The following TMPRSS11D variants were observed in gnomAD, a reference collection of about 807,000 sequenced individuals.
TMPRSS11D encodes transmembrane protease serine 11D.
TMPRSS11D carries 32 observed loss-of-function variants against 44.4 expected under a neutral mutation model. The observed-to-expected ratio is 0.72, with a 90% CI of 0.54 to 0.97. The LOEUF (loss-of-function observed/expected upper bound fraction) is 0.97. TMPRSS11D is among the 50% of genes least tolerant of loss of function. TMPRSS11D has a pLI of 0.00. For missense variants in TMPRSS11D, 446 were observed against 502.6 expected (o/e 0.89, Z 1.08); for synonymous variants, 179 against 177.9 (o/e 1.01, Z -0.05).
chr4:67,842,429 CTAAAA>C (rs1213027654), intron 4 of TMPRSS11D, 124 bp downstream of exon 4: 1 of 875,522 alleles, frequency 1.1e-6, no homozygotes, highest in Non-Finnish European at 1.8e-6. Context: ...TTTAAGCTGA[CTAAAA>C]TACTATTTTC....
At chr4:67,859,471 C>A in intron 2 of TMPRSS11D, 86 bp downstream of exon 2, 2 of 1,431,508 alleles carry the variant, frequency 1.4e-6, no homozygotes, top group Non-Finnish European at 1.9e-6. Flanking sequence ...AAATAAAAGC[C>A]ATAGTAAAAG....
chr4:67,842,739 T>G (rs1718262489), intron 3 of TMPRSS11D, 114 bp from the exon 4 acceptor site: 2 of 952,448 alleles, frequency 2.1e-6, no homozygotes, highest in Admixed American at 2.6e-5. Flanking sequence ...AATTTTCACT[T>G]TAGTTCAACC....
intron 1 of TMPRSS11D, among the ~76,000 whole-genome samples, 165 bp from the exon 2 acceptor site, chr4:67,859,843 G>C (rs758597725): frequency 2.0e-5 from 3 of 152,062 alleles, no homozygotes; most frequent in African/African-American, 7.2e-5. Context: ...AAGGCTGTCC[G>C]TAGTGGTTTT....
intron 9 of TMPRSS11D, among the ~76,000 whole-genome samples, chr4:67,822,857 T>C (rs1203176039): frequency 6.6e-6 from 1 of 152,214 alleles, no homozygotes; most frequent in African/African-American, 2.4e-5. Flanking sequence ...TTCTTCATTG[T>C]GTCTTTATAT....
intron 3 of TMPRSS11D, among the ~76,000 whole-genome samples, chr4:67,847,237 A>C (rs112750867): frequency 3.3e-5 from 5 of 152,244 alleles, no homozygotes; most frequent in African/African-American, 1.2e-4. Flanking sequence ...TACACCTTGA[A>C]GGAAAATGTT....
At chr4:67,841,369 GA>G (rs902726509) in intron 4 of TMPRSS11D, among the ~76,000 whole-genome samples, 10 of 152,150 alleles carry the variant, frequency 6.6e-5, no homozygotes, top group Non-Finnish European at 8.8e-5. Context: ...GAGGTAAGGG[GA>G]AAATCAGGGT....
chr4:67,859,804 A>G lies in TMPRSS11D; in HGVS notation c.9-126T>C, dbSNP rs551699098. 14 of 1,264,004 alleles carry G rather than the reference A, an allele frequency of 1.1e-5. No homozygotes were observed. The South Asian group carries it at 2.3e-4, about 21-fold the overall frequency. The allele number at this position is 1,264,004 out of a possible 1,614,324, so 78.3% of individuals were successfully genotyped here. ...GGGACATGGCTCTAGCCATAGAAAC[A>G]TATTCGTAGATATGAAACTGAACTT... On this transcript the variant is annotated intron_variant, in intron 1 of 9. Coordinates refer to ENST00000283916, the MANE Select transcript of TMPRSS11D (RefSeq NM_004262.3).
Position 67,872,385 on chromosome 4 carries a change from G to A in TMPRSS11D, c.8+11541C>T, listed in dbSNP as rs538961378. Among the ~76,000 whole-genome samples the A allele has an allele frequency of 2.6e-4, 40 of 151,362 alleles. 1 individual carries two copies. Among genetic ancestry groups the A allele is most frequent in the Middle Eastern group, 6.8e-3 (2 of 294 alleles). On this transcript the variant is annotated intron_variant, in intron 1 of 9. Transcript: ENST00000283916. The stretch of plus-strand genomic sequence containing the variant: ...GCACAAAATAATTTTGCTGGCTACC[G>A]TAAATTATAAAAAAATACTCATGAC...
intron 7 of TMPRSS11D, among the ~76,000 whole-genome samples, chr4:67,831,965 A>G (rs190151462): frequency 9.8e-4 from 149 of 152,332 alleles, no homozygotes; most frequent in African/African-American, 3.4e-3. Context: ...CGTTTGTAAC[A>G]GTCACTGTAC....
chr4:67,876,006 A>G (rs1577834100), intron 1 of TMPRSS11D, among the ~76,000 whole-genome samples: 1 of 152,248 alleles, frequency 6.6e-6, no homozygotes, highest in African/African-American at 2.4e-5. Context: ...ACAAAGAGTC[A>G]CATAAAAAAG....
intron 1 of TMPRSS11D, among the ~76,000 whole-genome samples, chr4:67,861,335 G>C (rs1263903237): frequency 3.3e-5 from 5 of 151,994 alleles, no homozygotes; most frequent in Admixed American, 3.3e-4. Context: ...TACCTCATGG[G>C]GTTATTGTGC....
chr4:67,870,537 G>C (rs951785716), intron 1 of TMPRSS11D, among the ~76,000 whole-genome samples: 1 of 151,760 alleles, frequency 6.6e-6, no homozygotes, highest in Non-Finnish European at 1.5e-5. Context: ...ACCTCCGGCC[G>C]GGCGCGGTGG....
chr4:67,825,843 C>T lies in TMPRSS11D; in HGVS notation c.984G>A (p.Gln328=). 6.2e-7 allele frequency: 1 copy of T among 1,612,742 alleles called. No individual in the cohort carries two copies. Among genetic ancestry groups the T allele is most frequent in the Non-Finnish European group, 8.5e-7 (1 of 1,179,166 alleles). ...GHTVPELRQG[Q]VRIISNDVCN... is the part of the protein sequence containing the mutation. Reference sequence around the variant, plus strand: ...ATACATCATTACTTATTATTCTGACCTGTCCTTGCCTTAGCTCTGGAACTG... The same window carrying T: ...ATACATCATTACTTATTATTCTGACTTGTCCTTGCCTTAGCTCTGGAACTG... The change falls in exon 9 of 10, where the codon CAG becomes CAA. Residue 328 remains glutamine (Q), a synonymous_variant. Transcript: ENST00000283916.
chr4:67,858,823 T>C (rs983853085), intron 2 of TMPRSS11D, among the ~76,000 whole-genome samples: 1 of 152,198 alleles, frequency 6.6e-6, no homozygotes, highest in Non-Finnish European at 1.5e-5. Flanking sequence ...ATATCTATGT[T>C]AAAGCATCTG....
intron 1 of TMPRSS11D, among the ~76,000 whole-genome samples, chr4:67,875,161 T>C (rs1423718628): frequency 2.0e-5 from 3 of 152,100 alleles, no homozygotes; most frequent in African/African-American, 7.2e-5. Flanking sequence ...AGTTCCAAGG[T>C]CTATGGAATG....
At position 67,877,454 on chromosome 4, in the gene TMPRSS11D, G is replaced by C. The variant is rs75931751; in HGVS notation, c.8+6472C>G. Among the ~76,000 whole-genome samples the C allele has an allele frequency of 4.3e-3, 658 of 152,244 alleles. 9 individuals are homozygous for C. The East Asian group carries it at 0.049, about 11-fold the overall frequency. Reference sequence around the variant, plus strand: ...AAGTAGCCTGGGGGATTCAGAGAGAGATAAACCAAAAATTACGCCTGAGAA... The same window carrying C: ...AAGTAGCCTGGGGGATTCAGAGAGACATAAACCAAAAATTACGCCTGAGAA... On this transcript the variant is annotated intron_variant, in intron 1 of 9. Coordinates refer to ENST00000283916, the MANE Select transcript of TMPRSS11D (RefSeq NM_004262.3).
Position 67,825,876 on chromosome 4 carries a change from T to C in TMPRSS11D, c.953-2A>G, listed in dbSNP as rs768015524. ...GCCTTAGCTCTGGAACTGTGTGGCC[T>C]GTTTGTTATAAAAGCAGGAAAAAAA... On this transcript the variant is annotated splice_acceptor_variant, in intron 8 of 9. Transcript: ENST00000283916. LOFTEE classifies it high-confidence loss of function. The C allele has an allele frequency of 1.9e-6, 3 of 1,604,704 alleles. No homozygotes were observed. The highest frequency in any genetic ancestry group is 1.1e-5 in the South Asian group (1 of 89,486).
At chr4:67,844,607 C>T (rs1252695662) in intron 3 of TMPRSS11D, among the ~76,000 whole-genome samples, 4 of 151,646 alleles carry the variant, frequency 2.6e-5, no homozygotes, top group African/African-American at 9.7e-5. Context: ...AACCCTGTCT[C>T]TCCTAAAAAT....
chr4:67,830,232 G>A (rs538319630), intron 7 of TMPRSS11D, among the ~76,000 whole-genome samples: 34 of 152,086 alleles, frequency 2.2e-4, no homozygotes, highest in South Asian at 4.1e-4. Flanking sequence ...TTGTAGGTGC[G>A]TGCATGTACC....
Sources: gnomAD v4.1 joint callset for allele counts (sites outside exome capture counted in the v4.1 genomes callset) on GRCh38, gnomAD v4.1.1 for gene constraint, MANE v1.5 for transcripts, NCBI Gene and HGNC (gene_info 2026-07-23, HGNC 2026-07-21) for gene names.